Variants in MYO9B observed in about 807,000 individuals in gnomAD.
MYO9B encodes the protein unconventional myosin-IXb.
Under a neutral mutation model 229.5 loss-of-function variants are expected in MYO9B, and 71 were observed. The ratio of observed to expected loss-of-function variants is 0.31; its 90% confidence interval spans 0.26 to 0.38. The LOEUF (loss-of-function observed/expected upper bound fraction) is 0.38. Among genes scored for constraint, MYO9B ranks in the 10% least tolerant of loss-of-function variants. The pLI is 1.00. For missense variants in MYO9B, 2,255 were observed against 2,920.5 expected, an observed-to-expected ratio of 0.77 and a Z score of 5.25; for synonymous variants, 1,185 against 1,235.8, an observed-to-expected ratio of 0.96 and a Z score of 0.86.
chr19:17,166,680 T>A (rs920555421), intron 10 of MYO9B, among the ~76,000 whole-genome samples: 35 of 152,102 alleles, frequency 2.3e-4, no homozygotes, highest in Admixed American at 2.6e-4. Flanking sequence ...TAGGCCCCAG[T>A]GTGTGTTGTT....
intron 14 of MYO9B, among the ~76,000 whole-genome samples, chr19:17,178,650 C>T (rs566914702): frequency 2.6e-5 from 4 of 152,228 alleles, no homozygotes; most frequent in South Asian, 4.1e-4. Flanking sequence ...TTTGCACCTC[C>T]GCGTGCGTGC....
At chr19:17,207,458 C>T (rs917436154) in intron 35 of MYO9B, 6 of 385,866 alleles carry the variant, frequency 1.6e-5, no homozygotes, top group Non-Finnish European at 2.2e-5. Flanking sequence ...CATAGCAAGA[C>T]CCTACAAAAA....
chr19:17,098,541 T>C (rs1314220676), intron 1 of MYO9B, among the ~76,000 whole-genome samples: 1 of 152,206 alleles, frequency 6.6e-6, no homozygotes, highest in East Asian at 1.9e-4. Context: ...CTTGGTTGAC[T>C]CATGCCGCAT....
chr19:17,206,520 C>T, intron 33 of MYO9B, 144 bp downstream of exon 33: 1 of 1,390,576 alleles, frequency 7.2e-7, no homozygotes, highest in Non-Finnish European at 9.6e-7. Context: ...AAACCGGGTC[C>T]CCAGTTTGGG....
intron 18 of MYO9B, 149 bp from the exon 19 acceptor site, chr19:17,187,786 C>T (rs1271365550): frequency 1.5e-6 from 1 of 655,016 alleles, no homozygotes; most frequent in Non-Finnish European, 2.7e-6. Flanking sequence ...CGTGTGCACC[C>T]TGACCATGTC....
At chr19:17,125,145 C>T (rs1182741529) in intron 2 of MYO9B, among the ~76,000 whole-genome samples, 1 of 151,820 alleles carries the variant, frequency 6.6e-6, no homozygotes, top group Admixed American at 6.6e-5. Flanking sequence ...ACCAAAAATA[C>T]AAAAACTTAG....
chr19:17,191,369 C>T, intron 20 of MYO9B, 150 bp downstream of exon 20: 2 of 1,120,876 alleles, frequency 1.8e-6, no homozygotes, highest in Non-Finnish European at 2.4e-6. Context: ...AGCACTGCAC[C>T]TAAGGGATAG....
At position 17,164,506 on chromosome 19, in the gene MYO9B, G is replaced by A. The variant is rs1450757293; in HGVS notation, c.1671+1384G>A. ...AGCGATTCTCTTGCCTCAGCCTCCC[G>A]AGTAGCTGGGACTACAGGTGCATGC... On this transcript the variant is annotated intron_variant, in intron 10 of 39. Transcript: ENST00000682292. Among the ~76,000 whole-genome samples, 5 of 151,610 alleles carry A rather than the reference G, an allele frequency of 3.3e-5. No individual in the cohort carries two copies. The Admixed American group carries it at 3.3e-4, about 10-fold the overall frequency.
rs749402824 is a variant in MYO9B, at chr19:17,211,881, CTG to C, written c.6059-12_6059-11del. ...CCTGAAGCTGCAGTAACCCTGCCAT[CTG>C]TCTCTCAAAAGGGCCCCCTGCGCCT... is the stretch of plus-strand genomic sequence containing the variant. On this transcript the variant is annotated splice_polypyrimidine_tract_variant and intron_variant, in intron 39 of 39. Transcript: ENST00000682292. 6.3e-7 allele frequency: 1 copy of C among 1,589,110 alleles called. No homozygotes were observed. The highest frequency in any genetic ancestry group is 1.3e-5 in the African/African-American group (1 of 74,482).
At position 17,172,447 on chromosome 19, in the gene MYO9B, C is replaced by T. The variant is rs377114511; in HGVS notation, c.1905C>T (p.His635=). 197 of 1,613,812 alleles carry T rather than the reference C, an allele frequency of 1.2e-4. No homozygotes were observed. Among genetic ancestry groups the T allele is most frequent in the Non-Finnish European group, 1.5e-4 (175 of 1,179,862 alleles). The stretch of plus-strand genomic sequence containing the variant: ...TGGAGCCAGCTTTCATCATCCAGCA[C>T]TTCGCAGGGAAGGTGAAATATCAGA... ...PVMEPAFIIQ[H]FAGKVKYQIK... Residue 635 remains histidine (H), a synonymous_variant, in exon 12 of 40, where the codon CAC becomes CAT. Coordinates refer to ENST00000682292, the MANE Select transcript of MYO9B (RefSeq NM_004145.4). This position sits in a 1 kb window ranked among gnomAD's most constrained non-coding sequence, Gnocchi z 8.2.
At chr19:17,140,006 A>C (rs1037353353) in intron 2 of MYO9B, among the ~76,000 whole-genome samples, 2 of 151,902 alleles carry the variant, frequency 1.3e-5, no homozygotes, top group Non-Finnish European at 2.9e-5. Context: ...GCGCCATTGC[A>C]CCCCAGCCTG....
At chr19:17,141,943 G>A (rs576902649) in intron 2 of MYO9B, among the ~76,000 whole-genome samples, 10 of 152,248 alleles carry the variant, frequency 6.6e-5, no homozygotes, top group East Asian at 1.9e-4. Context: ...TTCGGAGGCC[G>A]AGTTGGAAGG....
rs944797205 is a variant in MYO9B at position 17,103,436 on chromosome 19, G to A, written c.840+879G>A. Reference sequence around the variant, plus strand: ...GCGGGGAGAGGCAGGAAACTTTATTGTGATTTTCATGCATCAGAATGTGCT... The same window carrying A: ...GCGGGGAGAGGCAGGAAACTTTATTATGATTTTCATGCATCAGAATGTGCT... On this transcript the variant is annotated intron_variant, in intron 2 of 39. Transcript: ENST00000682292. 7 of 152,428 alleles carry A rather than the reference G, an allele frequency of 4.6e-5. No individual in the cohort carries two copies. The East Asian group carries it at 1.3e-3, about 29-fold the overall frequency. The allele number at this position is 152,428 out of a possible 1,614,324, so 9.4% of individuals were successfully genotyped here.
intron 24 of MYO9B, among the ~76,000 whole-genome samples, chr19:17,198,734 CAAAAAAAAA>C (rs59292415): frequency 2.4e-5 from 1 of 41,218 alleles, no homozygotes; most frequent in Non-Finnish European, 4.9e-5. Context: ...GACTCCGTCT[CAAAAAAAAA>C]AAAAAAAAAA....
At position 17,194,998 on chromosome 19, in the gene MYO9B, C is replaced by T. The variant is rs2073025871; in HGVS notation, c.3571C>T (p.Leu1191=). 1 of 1,613,210 alleles carries T rather than the reference C, an allele frequency of 6.2e-7. No homozygotes were observed. The change falls in exon 22 of 40, where the codon CTG becomes TTG. Residue 1191 remains leucine, a synonymous_variant. Transcript: ENST00000682292. ...CACCCAGGAGCAAGGGGTGAGTCTC[C>T]TGGAAGACAAAAAGGAGAGCAGAGA... ...RVTQEQGVSL[L]EDKKESREDE...
intron 17 of MYO9B, 46 bp downstream of exon 17, chr19:17,185,033 A>G: frequency 6.2e-7 from 1 of 1,612,224 alleles, no homozygotes; most frequent in Non-Finnish European, 8.5e-7. Flanking sequence ...GCTCAGCCTC[A>G]GGCTTGTGTA....
At chr19:17,113,064 A>G (rs1196081046) in intron 2 of MYO9B, among the ~76,000 whole-genome samples, 2 of 152,166 alleles carry the variant, frequency 1.3e-5, no homozygotes, top group Non-Finnish European at 2.9e-5. Context: ...TTGTTTGAGG[A>G]AGAGCAATAC....
intron 19 of MYO9B, among the ~76,000 whole-genome samples, chr19:17,190,267 C>T (rs1052138438): frequency 1.3e-5 from 2 of 149,506 alleles, no homozygotes; most frequent in African/African-American, 2.5e-5. Context: ...GATCTCGGCT[C>T]ACTCCAACCT....
intron 13 of MYO9B, among the ~76,000 whole-genome samples, chr19:17,174,663 G>GGTGGCTCACGTCTGT (rs2145370714): frequency 6.6e-6 from 1 of 151,602 alleles, no homozygotes; most frequent in East Asian, 2.0e-4. Flanking sequence ...GGCCGGACAC[G>GGTGGCTCACGTCTGT]GTGGCTCACG....
Sources: gnomAD v4.1 joint callset for allele counts (sites outside exome capture counted in the v4.1 genomes callset) on GRCh38, gnomAD v4.1.1 for gene constraint, Gnocchi (gnomAD v3.1) non-coding constraint, MANE v1.5 for transcripts, NCBI Gene and HGNC (gene_info 2026-07-23, HGNC 2026-07-21) for gene names.